LAMC3: variants seen among roughly 807,000 people sequenced by gnomAD.
The protein encoded by LAMC3 is laminin subunit gamma-3.
LAMC3 carries 128 observed loss-of-function variants against 173.8 expected under a neutral mutation model. The ratio of observed to expected loss-of-function variants is 0.74; its 90% confidence interval spans 0.64 to 0.85. The LOEUF (loss-of-function observed/expected upper bound fraction) is 0.85, where lower values mean the gene tolerates loss of function less well. Among genes scored for constraint, LAMC3 ranks in the 40% least tolerant of loss-of-function variants. The probability of loss-of-function intolerance (pLI) is 0.00; values close to 1 mark genes in which losing one functional copy is unlikely to be tolerated. For synonymous variants in LAMC3, 897 were observed against 909.1 expected, an observed-to-expected ratio of 0.99 and a Z score of 0.24; for missense variants, 2,022 against 2,156.0, an observed-to-expected ratio of 0.94 and a Z score of 1.23.
At chr9:131,033,627 T>C (rs1427324469) in intron 3 of LAMC3, among the ~76,000 whole-genome samples, 1 of 151,916 alleles carries the variant, frequency 6.6e-6, no homozygotes, top group East Asian at 1.9e-4. Context: ...AGAGTCAGAT[T>C]TTTAAAACAC....
intron 3 of LAMC3, among the ~76,000 whole-genome samples, chr9:131,032,615 TCTCTCTCTCA>T (rs1433349681): frequency 2.7e-5 from 4 of 145,876 alleles, no homozygotes; most frequent in Non-Finnish European, 6.1e-5. Flanking sequence ...TCTCTCTCTC[TCTCTCTCTCA>T]CTCTCTCTTG....
At position 131,039,335 on chromosome 9, in the gene LAMC3, C is replaced by G. The variant is rs147871580; in HGVS notation, c.1283+87C>G. 4.6e-4 allele frequency: 488 copies of G among 1,070,390 alleles called. 1 individual carries two copies. In the African/African-American group the frequency reaches 7.0e-3, roughly 15 times the overall value. The allele number at this position is 1,070,390 out of a possible 1,614,324, so 66.3% of individuals were successfully genotyped here. On this transcript the variant is annotated intron_variant, in intron 6 of 27. Coordinates refer to ENST00000361069, the MANE Select transcript of LAMC3 (RefSeq NM_006059.4). ...CAGGCTGTCAGCAGTCCCTCCCCTC[C>G]CCATCCCTTCCTGTCTGCAGCTACC...
intron 11 of LAMC3, 63 bp from the exon 12 acceptor site, chr9:131,056,866 G>A (rs926527182): frequency 2.3e-6 from 3 of 1,308,506 alleles, no homozygotes; most frequent in African/African-American, 1.4e-5. Flanking sequence ...GGAAGGTTTT[G>A]GGGGGAAGCA....
intron 23 of LAMC3, among the ~76,000 whole-genome samples, 171 bp downstream of exon 23, chr9:131,079,469 T>C (rs543243345): frequency 6.6e-6 from 1 of 151,828 alleles, no homozygotes; most frequent in Non-Finnish European, 1.5e-5. Context: ...CCGAGACGGG[T>C]GGATCACGAG....
In LAMC3 at chr9:131,068,282, A is replaced by G. The variant is rs375156899; in HGVS notation, c.2747+51A>G. The G allele has an allele frequency of 3.4e-5, 54 of 1,574,270 alleles. No individual in the cohort carries two copies. The African/African-American group carries it at 7.3e-4, about 21-fold the overall frequency. On this transcript the variant is annotated intron_variant, in intron 15 of 27. Coordinates refer to ENST00000361069, the MANE Select transcript of LAMC3 (RefSeq NM_006059.4). Reference sequence around the variant, plus strand: ...CCTGGGGACCTCTCCAGGAGGGAAGAAGGCATCGGGCAGCCCCCAGGGAGG... The same window carrying G: ...CCTGGGGACCTCTCCAGGAGGGAAGGAGGCATCGGGCAGCCCCCAGGGAGG...
intron 6 of LAMC3, among the ~76,000 whole-genome samples, chr9:131,041,328 C>T (rs944016366): frequency 9.0e-5 from 13 of 143,730 alleles, no homozygotes; most frequent in Non-Finnish European, 2.0e-4. Context: ...GATCATGACA[C>T]TGCGCTCCAG....
chr9:131,009,511 G>A lies in LAMC3; in HGVS notation c.297G>A (p.Glu99=), dbSNP rs771657438. ...SYLTDFHSQD[E]STWWQSPSMA... ...TCACCGACTTCCACAGCCAGGACGA[G>A]AGCACCTGGTGGCAGAGCCCGTCCA... The change falls in exon 1 of 28, where the codon GAG becomes GAA. Residue 99 remains glutamate (E), a synonymous_variant. Transcript: ENST00000361069. This position sits in a 1 kb window ranked among gnomAD's most constrained non-coding sequence, Gnocchi z 4.3. 7.6e-5 allele frequency: 118 copies of A among 1,554,142 alleles called. No individual in the cohort carries two copies. The highest frequency in any genetic ancestry group is 9.9e-5 in the Non-Finnish European group (114 of 1,149,278).
intron 25 of LAMC3, 73 bp downstream of exon 25, chr9:131,085,796 C>T (rs1294035206): frequency 8.4e-6 from 12 of 1,434,086 alleles, no homozygotes; most frequent in South Asian, 7.1e-5. Context: ...GGCCCCTTCC[C>T]GACATCCGTG....
At chr9:131,070,564 C>T (rs890933358) in intron 17 of LAMC3, among the ~76,000 whole-genome samples, 52 of 151,942 alleles carry the variant, frequency 3.4e-4, no homozygotes, top group African/African-American at 1.2e-3. Flanking sequence ...TACAAAAATT[C>T]GCCGGGTGGG....
Position 131,036,918 on chromosome 9 carries a change from A to G in LAMC3, c.976+586A>G, listed in dbSNP as rs542877139. ...CAGCCTGGTTTCCTCCAGGCTCTCC[A>G]TGCACAGCCGCCGTTGCTGGGGGCC... On this transcript the variant is annotated intron_variant, in intron 4 of 27. Transcript: ENST00000361069. Among the ~76,000 whole-genome samples the G allele has an allele frequency of 5.3e-5, 8 of 152,308 alleles. No individual in the cohort carries two copies. The South Asian group carries it at 1.7e-3, about 32-fold the overall frequency.
intron 3 of LAMC3, among the ~76,000 whole-genome samples, chr9:131,033,250 C>T (rs537043345): frequency 2.0e-5 from 3 of 152,246 alleles, no homozygotes; most frequent in Non-Finnish European, 4.4e-5. Context: ...ACAGCTTCCA[C>T]GTCAGTGTTT....
intron 18 of LAMC3, among the ~76,000 whole-genome samples, chr9:131,071,926 C>T (rs931660333): frequency 2.2e-4 from 33 of 152,346 alleles, no homozygotes; most frequent in Admixed American, 3.3e-4. Context: ...TGTCTTGATT[C>T]TTGGCCGTTT....
intron 3 of LAMC3, among the ~76,000 whole-genome samples, chr9:131,032,530 C>T (rs925852552): frequency 4.8e-5 from 7 of 145,176 alleles, no homozygotes; most frequent in Non-Finnish European, 9.0e-5. Flanking sequence ...TGCTCTCTCT[C>T]GCTGTCTCTC....
At chr9:131,033,582 A>T (rs1203981688) in intron 3 of LAMC3, among the ~76,000 whole-genome samples, 1 of 152,106 alleles carries the variant, frequency 6.6e-6, no homozygotes, top group Non-Finnish European at 1.5e-5. Context: ...AGAAGTCAAG[A>T]GGAAGCTGTG....
rs201793200 is a variant in LAMC3 at position 131,079,242 on chromosome 9, C to T, written c.3871C>T (p.Arg1291Ter). The T allele has an allele frequency of 2.9e-5, 47 of 1,614,150 alleles. No individual in the cohort carries two copies. The highest frequency in any genetic ancestry group is 1.9e-4 in the South Asian group (17 of 91,070). ...GCAGCACATGGCCACTGAGGCTGCC[C>T]GAACCCTCCAGACTGCTGCCCAGGC... Reference protein sequence around the residue: ...SWQHMATEAARTLQTAAQATL... With the variant: ...SWQHMATEAA Residue 1291 changes from arginine (R) to a stop codon, truncating the protein, a stop_gained, in exon 23 of 28, where the codon CGA (arginine) becomes TGA (stop). Coordinates refer to ENST00000361069, the MANE Select transcript of LAMC3 (RefSeq NM_006059.4). LOFTEE classifies it high-confidence loss of function.
chr9:131,022,007 C>A (rs1833634434), intron 1 of LAMC3, among the ~76,000 whole-genome samples: 1 of 152,166 alleles, frequency 6.6e-6, no homozygotes, highest in Non-Finnish European at 1.5e-5. Context: ...ATGGACGCTT[C>A]ATGCATCAGC....
chr9:131,081,453 CCCTCCCTCCCTT>C (rs1242625627), intron 23 of LAMC3, among the ~76,000 whole-genome samples: 4 of 139,662 alleles, frequency 2.9e-5, no homozygotes, highest in Non-Finnish European at 6.2e-5. Flanking sequence ...CTCCCTCCCT[CCCTCCCTCCCTT>C]CCTTCCTTTC....
chr9:131,035,002 G>A (rs542413217), intron 3 of LAMC3, among the ~76,000 whole-genome samples: 6 of 152,274 alleles, frequency 3.9e-5, no homozygotes, highest in African/African-American at 1.2e-4. Flanking sequence ...CCAGGCTGGA[G>A]TGCAATGGCA....
Position 131,026,496 on chromosome 9 carries a change from C to T in LAMC3, c.585C>T (p.Ser195=), listed in dbSNP as rs760411569. 62 of 1,613,234 alleles carry T rather than the reference C, an allele frequency of 3.8e-5. No individual in the cohort carries two copies. In the Middle Eastern group the frequency reaches 1.2e-3, roughly 30 times the overall value. ...TGGCCTTCTGCACCTCTGAGTTCAG[C>T]GACATCTCCCCGCTGAGTGGCGGCA... ...ERVAFCTSEF[S]DISPLSGGNV... Residue 195 remains serine (S), a synonymous_variant, in exon 2 of 28, where the codon AGC becomes AGT. Coordinates refer to ENST00000361069, the MANE Select transcript of LAMC3 (RefSeq NM_006059.4). The surrounding 1 kb of genome is among the most constrained non-coding windows in gnomAD (Gnocchi z 4.8).
Sources: gnomAD v4.1 joint callset for allele counts (sites outside exome capture counted in the v4.1 genomes callset) on GRCh38, gnomAD v4.1.1 for gene constraint, Gnocchi (gnomAD v3.1) non-coding constraint, MANE v1.5 for transcripts, NCBI Gene and HGNC (gene_info 2026-07-23, HGNC 2026-07-21) for gene names.